The following ZNF682 variants were observed in gnomAD, a reference collection of about 807,000 sequenced individuals.
ZNF682 encodes the protein zinc finger protein 682.
In ZNF682, 29 loss-of-function variants were observed where a neutral mutation model predicts 36.5. The ratio of observed to expected loss-of-function variants is 0.80; its 90% confidence interval spans 0.59 to 1.08. The LOEUF (loss-of-function observed/expected upper bound fraction) is 1.08, where lower values mean the gene tolerates loss of function less well. Ranked by LOEUF, ZNF682 falls within the 50% of genes least tolerant of loss-of-function variation. The pLI, the probability that ZNF682 is intolerant of heterozygous loss-of-function variation, is 0.00. For missense variants in ZNF682, 561 were observed against 579.7 expected (o/e 0.97, Z 0.33); for synonymous variants, 180 against 197.0 (o/e 0.91, Z 0.72).
At chr19:20,024,546 G>A (rs2088415362) in intron 1 of ZNF682, 170 bp from the exon 2 acceptor site, 1 of 804,126 alleles carries the variant, frequency 1.2e-6, no homozygotes, top group African/African-American at 1.8e-5. Flanking sequence ...AAAGAAAACA[G>A]AATCCATGTG....
At chr19:20,021,340 C>T (rs1281975007) in intron 3 of ZNF682, among the ~76,000 whole-genome samples, 1 of 151,948 alleles carries the variant, frequency 6.6e-6, no homozygotes, top group East Asian at 1.9e-4. Flanking sequence ...TCACATGAGG[C>T]CAGGGGTTTG....
chr19:20,030,534 T>C (rs945041431), intron 1 of ZNF682, among the ~76,000 whole-genome samples: 1 of 152,140 alleles, frequency 6.6e-6, no homozygotes, highest in Non-Finnish European at 1.5e-5. Context: ...ATTGCACCAC[T>C]GCATTGCAAC....
At chr19:20,036,953 C>G (rs1333354097) in intron 1 of ZNF682, among the ~76,000 whole-genome samples, 2 of 151,792 alleles carry the variant, frequency 1.3e-5, no homozygotes, top group East Asian at 3.9e-4. Flanking sequence ...CCATTGTACT[C>G]TAGCCTAAGT....
chr19:19,998,410 G>A (rs796993196), intron 3 of ZNF682, among the ~76,000 whole-genome samples: 1 of 152,218 alleles, frequency 6.6e-6, no homozygotes, highest in Non-Finnish European at 1.5e-5. Flanking sequence ...TGGCCGCAGA[G>A]AGCCTGAGAC....
chr19:20,014,204 T>C (rs1338470265), intron 3 of ZNF682, among the ~76,000 whole-genome samples: 8 of 152,164 alleles, frequency 5.3e-5, no homozygotes, highest in Non-Finnish European at 1.0e-4. Flanking sequence ...GTTGGAAGCA[T>C]CACACTTCCT....
At chr19:20,002,484 G>T (rs112237696), downstream of ZNF682, among the ~76,000 whole-genome samples, 474 of 152,264 alleles carry the variant, frequency 3.1e-3, 5 homozygotes, top group African/African-American at 0.011. Context: ...CTAAATACAC[G>T]TATATTAAGC....
At chr19:20,009,497 G>A (rs1341730287) in intron 3 of ZNF682, among the ~76,000 whole-genome samples, 3 of 152,116 alleles carry the variant, frequency 2.0e-5, no homozygotes, top group Non-Finnish European at 4.4e-5. Context: ...TTGCTAGAGA[G>A]GTTGACACAG....
exon 4 of ZNF682, chr19:19,997,212 GT>G (rs1474514785): frequency 1.3e-5 from 5 of 398,616 alleles, no homozygotes; most frequent in Non-Finnish European, 2.2e-5. Flanking sequence ...TCATCTCCAG[GT>G]CAGTTTCAAG....
At chr19:20,017,701 A>G (rs969708272) in intron 3 of ZNF682, among the ~76,000 whole-genome samples, 1 of 152,202 alleles carries the variant, frequency 6.6e-6, no homozygotes, top group Non-Finnish European at 1.5e-5. Flanking sequence ...TTACAGACCA[A>G]TTAGACCTAA....
chr19:19,997,182 G>A (rs933111902), exon 4 of ZNF682: 3 of 398,682 alleles, frequency 7.5e-6, no homozygotes, highest in African/African-American at 6.2e-5. Context: ...CAGGTTTCCA[G>A]GGTTCTCCAT....
At chr19:20,030,413 C>T (rs1319663424) in intron 1 of ZNF682, among the ~76,000 whole-genome samples, 1 of 151,874 alleles carries the variant, frequency 6.6e-6, no homozygotes, top group African/African-American at 2.4e-5. Context: ...CTACTAAAAA[C>T]ACAGAAATTA....
chr19:19,996,275 A>T (rs2088128531), downstream of ZNF682, among the ~76,000 whole-genome samples: 1 of 152,238 alleles, frequency 6.6e-6, no homozygotes, highest in Non-Finnish European at 1.5e-5. Flanking sequence ...AACAGTATGG[A>T]GATTCCTTAA....
At position 20,006,062 on chromosome 19, in the gene ZNF682, G is replaced by A; in HGVS notation, c.1440C>T (p.Ser480=). The change falls in exon 4 of 4, where the codon TCC becomes TCT. Residue 480 remains serine (S), a synonymous_variant. Coordinates refer to ENST00000397165, the MANE Select transcript of ZNF682 (RefSeq NM_033196.3). ...CTTCCCCACATTTTTTATACTTGCA[G>A]GATTTCTCTCCTCTTTGAACTCTCT... ...EHKRVQRGEK[S]CKYKKCGEAF... The A allele has an allele frequency of 6.2e-7, 1 of 1,610,256 alleles. No homozygotes were observed. Among genetic ancestry groups the A allele is most frequent in the Non-Finnish European group, 8.5e-7 (1 of 1,177,726 alleles).
At chr19:20,033,451 A>T (rs1459082063) in intron 1 of ZNF682, 1 of 152,328 alleles carries the variant, frequency 6.6e-6, no homozygotes, top group Non-Finnish European at 1.5e-5. Context: ...ACCATGCCAC[A>T]GAGCAGAGCC....
chr19:20,034,372 A>C (rs2088507843), intron 1 of ZNF682: 1 of 152,230 alleles, frequency 6.6e-6, no homozygotes, highest in South Asian at 2.1e-4. Flanking sequence ...ACATATTGGA[A>C]TTATATCTGA....
At position 20,022,935 on chromosome 19, in the gene ZNF682, T is replaced by G. The variant is rs2122361302; in HGVS notation, c.226+69A>C. On this transcript the variant is annotated intron_variant, in intron 3 of 3. Transcript: ENST00000397165. Reference sequence around the variant, plus strand: ...GGAGCAGAGCTTCTCAAATAACTCTTGAAGTCTGTCTTCCTTCTTGGCCTT... The same window carrying G: ...GGAGCAGAGCTTCTCAAATAACTCTGGAAGTCTGTCTTCCTTCTTGGCCTT... The G allele has an allele frequency of 2.3e-6, 3 of 1,305,694 alleles. No individual in the cohort carries two copies. In the East Asian group the frequency reaches 6.9e-5, roughly 30 times the overall value. The allele number at this position is 1,305,694 out of a possible 1,614,324, so 80.9% of individuals were successfully genotyped here.
chr19:20,002,785 A>G (rs1422665839), downstream of ZNF682, among the ~76,000 whole-genome samples: 2 of 152,180 alleles, frequency 1.3e-5, no homozygotes, highest in African/African-American at 4.8e-5. Flanking sequence ...GAGACGTAAG[A>G]GTTGATAAAA....
At chr19:20,039,124 C>A in intron 1 of ZNF682, 2 of 1,390,656 alleles carry the variant, frequency 1.4e-6, no homozygotes, top group East Asian at 5.2e-5. Flanking sequence ...GGGCGGGAAG[C>A]GGGAGAACGG....
chr19:20,011,045 C>T (rs1454842386), intron 3 of ZNF682, among the ~76,000 whole-genome samples: 2 of 152,002 alleles, frequency 1.3e-5, no homozygotes, highest in Admixed American at 6.5e-5. Context: ...ACTTAACCTT[C>T]TGCTGACTTC....
Sources: allele counts gnomAD v4.1 joint callset (sites outside exome capture counted in the v4.1 genomes callset), GRCh38; gene constraint gnomAD v4.1.1; transcripts MANE v1.5; gene names NCBI Gene and HGNC (gene_info 2026-07-23, HGNC 2026-07-21).